CADM2: variants seen among roughly 807,000 people sequenced by gnomAD.
The protein encoded by CADM2 is immunoglobulin superfamily member 4D.
A neutral mutation model predicts 49.8 loss-of-function variants in CADM2; 12 were observed. The ratio of observed to expected loss-of-function variants is 0.24; its 90% CI spans 0.15 to 0.39. CADM2 has a LOEUF of 0.39. Among genes scored for constraint, CADM2 ranks in the 10% least tolerant of loss-of-function variants. The probability of loss-of-function intolerance (pLI) is 1.00; values close to 1 mark genes in which losing one functional copy is unlikely to be tolerated. For synonymous variants in CADM2, 214 were observed against 175.4 expected (o/e 1.22, Z -1.74); for missense variants, 378 against 492.3 (o/e 0.77, Z 2.20).
intron 1 of CADM2, among the ~76,000 whole-genome samples, chr3:85,576,153 T>C (rs182273725): frequency 6.6e-5 from 10 of 152,276 alleles, no homozygotes; most frequent in Admixed American, 5.9e-4. Flanking sequence ...AATTTATTTA[T>C]TATAAAAATT....
intron 3 of CADM2, among the ~76,000 whole-genome samples, chr3:85,864,073 G>A (rs764748607): frequency 1.3e-5 from 2 of 152,112 alleles, no homozygotes; most frequent in Non-Finnish European, 2.9e-5. Context: ...CCAGGAACTA[G>A]GAGAATGATG....
intron 8 of CADM2, among the ~76,000 whole-genome samples, chr3:86,056,844 G>A (rs975128232): frequency 1.1e-4 from 16 of 152,138 alleles, no homozygotes; most frequent in Non-Finnish European, 2.2e-4. Flanking sequence ...TAAACATGTG[G>A]GGCCATTTGT....
At chr3:85,399,364 CA>C (rs1338492463) in intron 1 of CADM2, among the ~76,000 whole-genome samples, 1 of 151,830 alleles carries the variant, frequency 6.6e-6, no homozygotes, top group Non-Finnish European at 1.5e-5. Context: ...TTTTTCGTAC[CA>C]GTACCATGCT....
At chr3:85,868,187 A>G (rs1287220105) in intron 3 of CADM2, among the ~76,000 whole-genome samples, 2 of 152,060 alleles carry the variant, frequency 1.3e-5, no homozygotes, top group African/African-American at 4.8e-5. Context: ...TTTCTATTTT[A>G]TTATAGAATA....
At chr3:85,101,647 C>T (rs2038018009) in intron 1 of CADM2, among the ~76,000 whole-genome samples, 1 of 152,108 alleles carries the variant, frequency 6.6e-6, no homozygotes, top group African/African-American at 2.4e-5. Context: ...AAAAAATTCT[C>T]AAATGTTTTC....
intron 1 of CADM2, among the ~76,000 whole-genome samples, chr3:85,373,735 G>A (rs965038062): frequency 6.6e-6 from 1 of 152,140 alleles, no homozygotes; most frequent in Non-Finnish European, 1.5e-5. Context: ...TGACTTCTAT[G>A]CACCTGCAGG....
chr3:85,068,252 C>T (rs1047684661), intron 1 of CADM2, among the ~76,000 whole-genome samples: 4 of 152,128 alleles, frequency 2.6e-5, no homozygotes, highest in Non-Finnish European at 5.9e-5. Flanking sequence ...TAACATTCAT[C>T]AATCTATCTG....
intron 1 of CADM2, among the ~76,000 whole-genome samples, chr3:85,150,780 G>A (rs188125859): frequency 2.4e-4 from 36 of 151,826 alleles, no homozygotes; most frequent in Admixed American, 2.2e-3. Context: ...ATGGTGGCAG[G>A]TGCCTGTAAT....
intron 1 of CADM2, among the ~76,000 whole-genome samples, chr3:85,075,413 G>A (rs978587164): frequency 7.9e-5 from 12 of 151,910 alleles, no homozygotes; most frequent in Admixed American, 5.3e-4. Context: ...TTTAAGAGGG[G>A]AATATTTAAA....
intron 1 of CADM2, among the ~76,000 whole-genome samples, chr3:85,690,628 G>A (rs1316230684): frequency 6.6e-6 from 1 of 152,132 alleles, no homozygotes; most frequent in Non-Finnish European, 1.5e-5. Flanking sequence ...ATTGCTAGCA[G>A]TCAAGATAAA....
intron 1 of CADM2, among the ~76,000 whole-genome samples, chr3:85,435,601 C>T (rs1348734648): frequency 1.3e-5 from 2 of 152,094 alleles, no homozygotes; most frequent in South Asian, 2.1e-4. Context: ...CACTGTCTTC[C>T]GCAATGGTTG....
At chr3:85,539,225 T>G (rs17457377) in intron 1 of CADM2, among the ~76,000 whole-genome samples, 77,625 of 151,612 alleles carry the variant, frequency 0.51, 22,960 homozygotes, top group East Asian at 0.85. Flanking sequence ...GACTGACACA[T>G]AAGGCTGTAA....
intron 1 of CADM2, among the ~76,000 whole-genome samples, chr3:85,074,742 A>G (rs760353586): frequency 7.2e-5 from 11 of 152,150 alleles, no homozygotes; most frequent in Non-Finnish European, 1.5e-4. Flanking sequence ...CTGTTGGGAA[A>G]AGAAAAAGTG....
chr3:85,795,831 A>G (rs138955062), intron 2 of CADM2, among the ~76,000 whole-genome samples: 1 of 152,294 alleles, frequency 6.6e-6, no homozygotes, highest in Admixed American at 6.5e-5. Context: ...ATTGTTGTCT[A>G]ATTTACATTT....
intron 3 of CADM2, among the ~76,000 whole-genome samples, chr3:85,835,686 A>T (rs2074377677): frequency 6.7e-6 from 1 of 149,302 alleles, no homozygotes; most frequent in Non-Finnish European, 1.5e-5. Context: ...CTTGTTTATG[A>T]TACAGCAAGT....
At chr3:85,811,242 C>G (rs1268970091) in intron 3 of CADM2, among the ~76,000 whole-genome samples, 1 of 152,102 alleles carries the variant, frequency 6.6e-6, no homozygotes, top group Non-Finnish European at 1.5e-5. Context: ...ACATTTTCTA[C>G]AAATAAGTGC....
At chr3:85,005,918 A>G (rs922896078) in intron 1 of CADM2, among the ~76,000 whole-genome samples, 1 of 152,052 alleles carries the variant, frequency 6.6e-6, no homozygotes, top group Non-Finnish European at 1.5e-5. Flanking sequence ...ATCTTTTCTT[A>G]TGGGATTTTA....
rs188329377 is a variant in CADM2, at chr3:85,063,126, G to A, written c.61+103458G>A. Among the ~76,000 whole-genome samples, 492 of 151,700 alleles carry A rather than the reference G, an allele frequency of 3.2e-3. 1 individual carries two copies. The highest frequency in any genetic ancestry group is 0.01 in the Middle Eastern group (3 of 294). ...TAATTTTTAGGTTTTTTATGTAATT[G>A]CAGTGTTAATCAAAAATAAACTTTA... On this transcript the variant is annotated intron_variant, in intron 1 of 9. Transcript: ENST00000383699.
intron 3 of CADM2, among the ~76,000 whole-genome samples, chr3:85,873,350 A>G (rs964103818): frequency 6.6e-5 from 10 of 152,218 alleles, no homozygotes; most frequent in Admixed American, 5.2e-4. Context: ...AAGAAAATTC[A>G]ACATCATAGA....
Sources: allele counts gnomAD v4.1 joint callset (sites outside exome capture counted in the v4.1 genomes callset), GRCh38; gene constraint gnomAD v4.1.1; transcripts MANE v1.5; gene names NCBI Gene and HGNC (gene_info 2026-07-23, HGNC 2026-07-21).